CCDC150: variants seen among roughly 807,000 people sequenced by gnomAD.
CCDC150 encodes coiled-coil domain-containing protein 150.
A neutral mutation model predicts 156.5 loss-of-function variants in CCDC150; 151 were observed. The observed-to-expected ratio is 0.97, with a 90% CI of 0.85 to 1.10. The LOEUF (loss-of-function observed/expected upper bound fraction) is 1.10. Ranked by LOEUF, CCDC150 falls within the 50% of genes least tolerant of loss-of-function variation. The pLI is 0.00. For missense variants in CCDC150, 1,312 were observed against 1,268.1 expected (o/e 1.03, Z -0.53); for synonymous variants, 452 against 429.4 (o/e 1.05, Z -0.65).
chr2:196,639,806 A>G (rs944314911), intron 1 of CCDC150, 28 bp downstream of exon 1: 2 of 1,571,958 alleles, frequency 1.3e-6, no homozygotes, highest in African/African-American at 1.4e-5. Flanking sequence ...CGGGCTGGTG[A>G]GGGGTGGTCG....
intron 13 of CCDC150, among the ~76,000 whole-genome samples, chr2:196,677,745 C>T (rs1027311905): frequency 6.6e-6 from 1 of 152,052 alleles, no homozygotes; most frequent in Non-Finnish European, 1.5e-5. Context: ...AATCCCAGCA[C>T]TTTGGGAGGC....
intron 7 of CCDC150, among the ~76,000 whole-genome samples, chr2:196,669,113 A>G (rs1024168042): frequency 6.6e-6 from 1 of 152,152 alleles, no homozygotes; most frequent in East Asian, 1.9e-4. Flanking sequence ...TTCACTGTAC[A>G]TGCTCTGAGT....
intron 26 of CCDC150, 145 bp downstream of exon 26, chr2:196,731,090 T>C: frequency 1.8e-6 from 1 of 566,226 alleles, no homozygotes; most frequent in Non-Finnish European, 3.1e-6. Context: ...AAGTGTAGTC[T>C]CTATTGTAGA....
At chr2:196,655,503 ATTG>A (rs1693136478) in intron 2 of CCDC150, among the ~76,000 whole-genome samples, 1 of 152,148 alleles carries the variant, frequency 6.6e-6, no homozygotes. Flanking sequence ...CCAGAGGTGT[ATTG>A]TTTGGCTGCC....
intron 15 of CCDC150, among the ~76,000 whole-genome samples, chr2:196,706,611 T>C (rs563893741): frequency 3.0e-4 from 46 of 152,266 alleles, no homozygotes; most frequent in African/African-American, 1.0e-3. Flanking sequence ...GGAAATGCTT[T>C]CAGTTTTTGC....
intron 1 of CCDC150, among the ~76,000 whole-genome samples, chr2:196,645,623 T>C (rs1692491492): frequency 6.6e-6 from 1 of 152,250 alleles, no homozygotes; most frequent in African/African-American, 2.4e-5. Context: ...ATTCTGCTTC[T>C]GTCACTAATA....
intron 5 of CCDC150, among the ~76,000 whole-genome samples, chr2:196,663,295 AAAGAT>A (rs1181889969): frequency 2.0e-5 from 3 of 152,206 alleles, no homozygotes; most frequent in Non-Finnish European, 2.9e-5. Flanking sequence ...ACAATGGACA[AAAGAT>A]AAGTATGACA....
intron 15 of CCDC150, among the ~76,000 whole-genome samples, chr2:196,708,936 T>C (rs772141568): frequency 7.9e-5 from 12 of 152,200 alleles, no homozygotes; most frequent in Non-Finnish European, 1.5e-4. Flanking sequence ...GCCGTTAACA[T>C]TTTTTCCTTC....
intron 21 of CCDC150, among the ~76,000 whole-genome samples, chr2:196,722,758 C>G (rs1575967193): frequency 6.6e-6 from 1 of 152,224 alleles, no homozygotes; most frequent in Non-Finnish European, 1.5e-5. Flanking sequence ...TTAAAACTCT[C>G]CAATGTCAGT....
At chr2:196,693,074 T>G (rs146499877) in intron 13 of CCDC150, among the ~76,000 whole-genome samples, 47 of 152,328 alleles carry the variant, frequency 3.1e-4, no homozygotes, top group Middle Eastern at 3.4e-3. Flanking sequence ...TGCCCTTCTT[T>G]GTCTTTTTTT....
chr2:196,726,155 CAAGGATT>C, intron 22 of CCDC150, 56 bp downstream of exon 22: 1 of 1,592,204 alleles, frequency 6.3e-7, no homozygotes. Context: ...ATAAGCAGCT[CAAGGATT>C]TCAGAGAATG....
At chr2:196,689,472 G>T (rs1410347857) in intron 13 of CCDC150, among the ~76,000 whole-genome samples, 4 of 151,462 alleles carry the variant, frequency 2.6e-5, no homozygotes, top group East Asian at 1.9e-4. Flanking sequence ...TCCCTTGTAA[G>T]TTGGATTCCT....
chr2:196,676,407 A>G, intron 11 of CCDC150, 140 bp downstream of exon 11: 1 of 1,320,146 alleles, frequency 7.6e-7, no homozygotes, highest in Non-Finnish European at 1.0e-6. Context: ...TAAAATAAAG[A>G]CTCTGCCCTC....
intron 2 of CCDC150, 48 bp downstream of exon 2, chr2:196,646,552 C>G (rs1172462737): frequency 6.8e-7 from 1 of 1,461,174 alleles, no homozygotes; most frequent in South Asian, 1.2e-5. Flanking sequence ...TTTTGCTTCA[C>G]TGCTTATTAA....
intron 21 of CCDC150, among the ~76,000 whole-genome samples, chr2:196,725,728 T>C (rs1698171468): frequency 6.6e-6 from 1 of 152,276 alleles, no homozygotes; most frequent in Admixed American, 6.5e-5. Context: ...TTCTTCGATG[T>C]GAGTTTTTTA....
At chr2:196,713,175 C>A in intron 17 of CCDC150, 1 of 971,892 alleles carries the variant, frequency 1.0e-6, no homozygotes, top group African/African-American at 1.7e-5. Context: ...AGGTCTGTTT[C>A]TTTGCTGGGT....
chr2:196,708,773 T>C (rs1696871565), intron 15 of CCDC150, among the ~76,000 whole-genome samples: 1 of 152,232 alleles, frequency 6.6e-6, no homozygotes, highest in Non-Finnish European at 1.5e-5. Flanking sequence ...TGAAGCTTAA[T>C]TTAGCTGGAT....
chr2:196,720,656 G>A lies in CCDC150; in HGVS notation c.2247G>A (p.Gln749=). ...WQARMLVMED[Q]HNSEIESLQK... ...CCAGGATGCTTGTCATGGAGGACCA[G>A]CACAACAGTGAGGTTGGAGCCAGGC... The change falls in exon 20 of 28, where the codon CAG becomes CAA. Residue 749 remains glutamine, a synonymous_variant. Coordinates refer to ENST00000389175, the MANE Select transcript of CCDC150 (RefSeq NM_001080539.2). 6.2e-7 allele frequency: 1 copy of A among 1,613,654 alleles called. No homozygotes were observed.
At chr2:196,719,459 A>G in intron 18 of CCDC150, 38 bp from the exon 19 acceptor site, 3 of 1,554,548 alleles carry the variant, frequency 1.9e-6, no homozygotes, top group Non-Finnish European at 2.6e-6. Flanking sequence ...GTAACCAGAA[A>G]GGATCAAATG....
Sources: allele counts gnomAD v4.1 joint callset (sites outside exome capture counted in the v4.1 genomes callset), GRCh38; gene constraint gnomAD v4.1.1; transcripts MANE v1.5; gene names NCBI Gene and HGNC (gene_info 2026-07-23, HGNC 2026-07-21).